The following CLIP1 variants were observed in gnomAD, a reference collection of about 807,000 sequenced individuals.
The protein encoded by CLIP1 is CAP-Gly domain containing linker protein 1, also known as CAP-Gly domain-containing linker protein 1.
A neutral mutation model predicts 161.6 loss-of-function variants in CLIP1; 66 were observed. That is an observed-to-expected ratio of 0.41 (90% CI 0.33 to 0.50). The LOEUF (loss-of-function observed/expected upper bound fraction) is 0.50, where lower values mean the gene tolerates loss of function less well. CLIP1 is among the 20% of genes least tolerant of loss of function. The probability of loss-of-function intolerance (pLI) is 0.27; values close to 1 mark genes in which losing one functional copy is unlikely to be tolerated. For synonymous variants in CLIP1, 598 were observed against 626.2 expected, an observed-to-expected ratio of 0.96 and a Z score of 0.67; for missense variants, 1,376 against 1,702.0, an observed-to-expected ratio of 0.81 and a Z score of 3.37.
At chr12:122,306,471 T>C (rs1379764274) in intron 20 of CLIP1, among the ~76,000 whole-genome samples, 1 of 152,184 alleles carries the variant, frequency 6.6e-6, no homozygotes, top group Non-Finnish European at 1.5e-5. Flanking sequence ...CATTCAAACC[T>C]ACACGTCGTG....
chr12:122,351,450 A>G (rs1189009529), intron 8 of CLIP1, among the ~76,000 whole-genome samples: 1 of 152,234 alleles, frequency 6.6e-6, no homozygotes, highest in Non-Finnish European at 1.5e-5. Flanking sequence ...AAATGAGTGA[A>G]GAAGATATCT....
chr12:122,357,792 C>A (rs1375820238), intron 5 of CLIP1, among the ~76,000 whole-genome samples: 1 of 150,606 alleles, frequency 6.6e-6, no homozygotes, highest in South Asian at 2.1e-4. Context: ...GCCCGGCTAG[C>A]CGCCCCATCC....
chr12:122,303,265 C>G (rs960596612), intron 20 of CLIP1, among the ~76,000 whole-genome samples: 8 of 152,086 alleles, frequency 5.3e-5, no homozygotes, highest in Non-Finnish European at 1.2e-4. Flanking sequence ...CTTCTCTTGG[C>G]CTGAATTCCT....
At chr12:122,393,088 G>C (rs897088838) in intron 1 of CLIP1, among the ~76,000 whole-genome samples, 5 of 150,974 alleles carry the variant, frequency 3.3e-5, no homozygotes, top group Admixed American at 1.3e-4. Flanking sequence ...AGCCAGAAAT[G>C]TTTTTAATAA....
chr12:122,286,450 G>C (rs1955854990), intron 21 of CLIP1, among the ~76,000 whole-genome samples: 1 of 149,208 alleles, frequency 6.7e-6, no homozygotes, highest in Non-Finnish European at 1.5e-5. Flanking sequence ...CTGGGAGGTG[G>C]GGAGGTTGCA....
intron 1 of CLIP1, among the ~76,000 whole-genome samples, chr12:122,382,816 T>C (rs1264264512): frequency 6.6e-6 from 1 of 152,132 alleles, no homozygotes; most frequent in Non-Finnish European, 1.5e-5. Flanking sequence ...TGATTATGAA[T>C]ATAAAATTCC....
At chr12:122,348,077 C>T (rs1050293360) in intron 9 of CLIP1, among the ~76,000 whole-genome samples, 2 of 152,096 alleles carry the variant, frequency 1.3e-5, no homozygotes, top group Non-Finnish European at 2.9e-5. Context: ...CCTTCTCTAG[C>T]TCCAACTAGA....
intron 3 of CLIP1, among the ~76,000 whole-genome samples, chr12:122,374,627 T>C (rs1417609692): frequency 6.6e-6 from 1 of 151,960 alleles, no homozygotes; most frequent in East Asian, 1.9e-4. Flanking sequence ...CTGGGCATGG[T>C]GGTGGGCGCC....
chr12:122,387,023 T>C (rs1483522895), intron 1 of CLIP1, among the ~76,000 whole-genome samples: 1 of 152,102 alleles, frequency 6.6e-6, no homozygotes, highest in Non-Finnish European at 1.5e-5. Context: ...CCCATGTATC[T>C]AGTACTACAG....
chr12:122,361,170 C>G lies in CLIP1; in HGVS notation c.794G>C (p.Cys265Ser), dbSNP rs1365991920. 6.2e-7 allele frequency: 1 copy of G among 1,612,818 alleles called. No individual in the cohort carries two copies. Among genetic ancestry groups the G allele is most frequent in the Admixed American group, 1.7e-5 (1 of 59,902 alleles). ...AGCGAACAAGCCATATTTGGGTTGACACTGAAAATACCTTTAGAGAACAAT... is the reference window on the plus strand; with the variant it reads ...AGCGAACAAGCCATATTTGGGTTGAGACTGAAAATACCTTTAGAGAACAAT... The part of the protein sequence containing the change: ...GAVAGTRYFQ[C>S]QPKYGLFAPV... Residue 265 changes from cysteine to serine, a missense_variant, in exon 5 of 26, where the codon TGT (cysteine) becomes TCT (serine). Coordinates refer to ENST00000620786, the MANE Select transcript of CLIP1 (RefSeq NM_001247997.2).
intron 8 of CLIP1, 27 bp downstream of exon 8, chr12:122,352,699 G>A: frequency 2.5e-6 from 4 of 1,594,108 alleles, no homozygotes; most frequent in Non-Finnish European, 2.6e-6. Context: ...ACCCATAAAA[G>A]CTGTAAGAGA....
chr12:122,332,909 A>G, intron 15 of CLIP1, 78 bp downstream of exon 15: 1 of 1,184,538 alleles, frequency 8.4e-7, no homozygotes, highest in Non-Finnish European at 1.2e-6. Flanking sequence ...AATCCTAAAC[A>G]TTTTGTCTCC....
chr12:122,390,339 G>T (rs1265474867), intron 1 of CLIP1, among the ~76,000 whole-genome samples: 1 of 137,256 alleles, frequency 7.3e-6, no homozygotes, highest in Non-Finnish European at 1.5e-5. Context: ...TTTAAACGGA[G>T]TCTCGCTCTG....
At chr12:122,290,055 C>T (rs1308791865) in intron 20 of CLIP1, among the ~76,000 whole-genome samples, 1 of 152,120 alleles carries the variant, frequency 6.6e-6, no homozygotes, top group Non-Finnish European at 1.5e-5. Context: ...GGTCAAAAAG[C>T]TCTTATATTT....
chr12:122,317,325 A>G (rs1000704765), intron 18 of CLIP1, among the ~76,000 whole-genome samples: 11 of 152,242 alleles, frequency 7.2e-5, no homozygotes, highest in Non-Finnish European at 1.3e-4. Context: ...CCTCATTACA[A>G]AAATTATTTA....
rs1593212990 is a variant in CLIP1, at chr12:122,384,190, G to A, written c.-106-3632C>T. 2.6e-5 allele frequency among the ~76,000 whole-genome samples: 4 copies of A among 152,066 alleles called. No individual in the cohort carries two copies. The South Asian group carries it at 8.3e-4, about 31-fold the overall frequency. On this transcript the variant is annotated intron_variant, in intron 1 of 25. Transcript: ENST00000620786. ...TCATTCTGCTCAGTGGCACAGATGC[G>A]AACACAGGTATTGTGATTCCAAAGT... is the stretch of plus-strand genomic sequence containing the variant.
At chr12:122,365,368 G>A (rs1031327678) in intron 3 of CLIP1, 76 of 923,900 alleles carry the variant, frequency 8.2e-5, no homozygotes, top group Non-Finnish European at 1.3e-4. Flanking sequence ...CCAGCATGCT[G>A]TTGGCATTGT....
At chr12:122,288,862 C>CTGG (rs1286694695) in intron 20 of CLIP1, among the ~76,000 whole-genome samples, 1 of 139,872 alleles carries the variant, frequency 7.1e-6, no homozygotes, top group Non-Finnish European at 1.5e-5. Context: ...GTCGCCCAGG[C>CTGG]TGGAGTGCAG....
intron 15 of CLIP1, among the ~76,000 whole-genome samples, chr12:122,331,007 T>C (rs1046784679): frequency 6.6e-6 from 1 of 151,704 alleles, no homozygotes; most frequent in African/African-American, 2.4e-5. Flanking sequence ...TCCCTTCCTT[T>C]TTATTATTTA....
Sources: allele counts gnomAD v4.1 joint callset (sites outside exome capture counted in the v4.1 genomes callset), GRCh38; gene constraint gnomAD v4.1.1; transcripts MANE v1.5; gene names NCBI Gene and HGNC (gene_info 2026-07-23, HGNC 2026-07-21).